The following SHISA9 variants were observed in gnomAD, a reference collection of about 807,000 sequenced individuals.
The protein encoded by SHISA9 is shisa family member 9.
Under a neutral mutation model 38.0 loss-of-function variants are expected in SHISA9, and 13 were observed. The ratio of observed to expected loss-of-function variants is 0.34; its 90% confidence interval spans 0.22 to 0.54. The LOEUF is 0.54. Ranked by LOEUF, SHISA9 falls within the 20% of genes least tolerant of loss-of-function variation. The probability of loss-of-function intolerance (pLI) is 0.91; values close to 1 mark genes in which losing one functional copy is unlikely to be tolerated. For missense variants in SHISA9, 538 were observed against 575.8 expected (o/e 0.93, Z 0.67); for synonymous variants, 275 against 242.0 (o/e 1.14, Z -1.27).
At chr16:12,939,781 A>T (rs2071584913) in intron 2 of SHISA9, among the ~76,000 whole-genome samples, 1 of 152,192 alleles carries the variant, frequency 6.6e-6, no homozygotes, top group Non-Finnish European at 1.5e-5. Flanking sequence ...TCTGGCATAT[A>T]CCTGCTGTAG....
the SHISA9 span, among the ~76,000 whole-genome samples, chr16:13,448,881 A>G: frequency 1.3e-5 from 2 of 152,168 alleles, no homozygotes; most frequent in Non-Finnish European, 1.5e-5. Context: ...GTGTAAATCT[A>G]TATATTTTGG....
downstream of SHISA9, among the ~76,000 whole-genome samples, chr16:13,242,207 T>G (rs2051440316): frequency 6.6e-6 from 1 of 152,230 alleles, no homozygotes; most frequent in Admixed American, 6.5e-5. Flanking sequence ...GGATTTGAAC[T>G]CCAGAGCTCA....
the SHISA9 span, among the ~76,000 whole-genome samples, chr16:13,359,439 T>G: frequency 1.3e-5 from 2 of 152,212 alleles, no homozygotes; most frequent in South Asian, 4.1e-4. Flanking sequence ...GCAGAGATCA[T>G]GCCATGGCAT....
intron 1 of SHISA9, among the ~76,000 whole-genome samples, chr16:12,906,988 G>A (rs1567334136): frequency 6.6e-6 from 1 of 151,528 alleles, no homozygotes; most frequent in East Asian, 1.9e-4. Context: ...TTGCTTTATT[G>A]CTCACACACT....
the SHISA9 span, among the ~76,000 whole-genome samples, chr16:13,262,330 A>T: frequency 1.3e-5 from 2 of 152,248 alleles, no homozygotes; most frequent in African/African-American, 4.8e-5. Flanking sequence ...AACATCCTTA[A>T]CACTCTAAAT....
At chr16:13,253,386 G>A in the SHISA9 span, among the ~76,000 whole-genome samples, 1 of 152,140 alleles carries the variant, frequency 6.6e-6, no homozygotes, top group East Asian at 1.9e-4. Flanking sequence ...AAGGTACAAG[G>A]GAGATGGCAG....
intron 2 of SHISA9, among the ~76,000 whole-genome samples, chr16:12,941,619 G>A (rs1377034422): frequency 6.6e-6 from 1 of 152,140 alleles, no homozygotes; most frequent in Non-Finnish European, 1.5e-5. Flanking sequence ...AGCACTCTGG[G>A]AGGCTGAGGC....
At chr16:13,328,023 C>A in the SHISA9 span, among the ~76,000 whole-genome samples, 1 of 152,178 alleles carries the variant, frequency 6.6e-6, no homozygotes, top group Non-Finnish European at 1.5e-5. Flanking sequence ...ACATCATGCG[C>A]ATTTATTAGC....
intron 2 of SHISA9, among the ~76,000 whole-genome samples, chr16:13,126,042 G>C (rs1157962290): frequency 6.6e-6 from 1 of 152,186 alleles, no homozygotes; most frequent in Non-Finnish European, 1.5e-5. Context: ...CAGGAGGTGA[G>C]AAGGAGGTGA....
At chr16:13,077,933 T>C (rs930231548) in intron 2 of SHISA9, among the ~76,000 whole-genome samples, 22 of 151,914 alleles carry the variant, frequency 1.4e-4, no homozygotes, top group Admixed American at 1.0e-3. Context: ...TATACTATAA[T>C]GATGAAAAAA....
the SHISA9 span, among the ~76,000 whole-genome samples, chr16:13,400,314 C>T: frequency 6.6e-6 from 1 of 151,940 alleles, no homozygotes; most frequent in African/African-American, 2.4e-5. Flanking sequence ...CTTGATAGCA[C>T]CCTGCTAATT....
chr16:13,045,484 T>G (rs796315301), intron 2 of SHISA9, among the ~76,000 whole-genome samples: 2 of 152,264 alleles, frequency 1.3e-5, no homozygotes, highest in African/African-American at 4.8e-5. Context: ...AATGCAAGAT[T>G]ATTCACTCAA....
chr16:13,173,551 G>C (rs2050706698), intron 2 of SHISA9, among the ~76,000 whole-genome samples: 1 of 152,136 alleles, frequency 6.6e-6, no homozygotes, highest in Non-Finnish European at 1.5e-5. Context: ...TTAACTGGGG[G>C]CAATTTTGCT....
chr16:13,460,918 T>C, the SHISA9 span, among the ~76,000 whole-genome samples: 2 of 152,196 alleles, frequency 1.3e-5, no homozygotes, highest in South Asian at 2.1e-4. Context: ...AGCCGCTCAG[T>C]ATGGCATGAG....
At chr16:13,509,290 T>A in the SHISA9 span, among the ~76,000 whole-genome samples, 15 of 150,628 alleles carry the variant, frequency 1.0e-4, no homozygotes, top group African/African-American at 1.5e-4. Flanking sequence ...AAAGAAAAAA[T>A]TAGTTAAAAA....
chr16:13,047,566 G>A (rs1239058010), intron 2 of SHISA9, among the ~76,000 whole-genome samples: 1 of 152,150 alleles, frequency 6.6e-6, no homozygotes, highest in African/African-American at 2.4e-5. Flanking sequence ...TTTGATGGTT[G>A]CTTTCGGGAG....
the SHISA9 span, among the ~76,000 whole-genome samples, chr16:13,313,263 A>AAAAAACC: frequency 1.9e-4 from 8 of 42,720 alleles, no homozygotes; most frequent in African/African-American, 5.9e-4. Flanking sequence ...TCAAAAAAAA[A>AAAAAACC]AAAAAAAAAC....
chr16:13,069,241 GTA>G (rs1308040809), intron 2 of SHISA9, among the ~76,000 whole-genome samples: 2 of 152,064 alleles, frequency 1.3e-5, no homozygotes, highest in Non-Finnish European at 2.9e-5. Flanking sequence ...GTATATATGT[GTA>G]TGTGTATATG....
chr16:13,561,235 T>G, the SHISA9 span, among the ~76,000 whole-genome samples: 1 of 152,140 alleles, frequency 6.6e-6, no homozygotes, highest in Non-Finnish European at 1.5e-5. Context: ...CCTTTGGCAG[T>G]TATTAGTCCC....
Sources: gnomAD v4.1 joint callset for allele counts (sites outside exome capture counted in the v4.1 genomes callset) on GRCh38, gnomAD v4.1.1 for gene constraint, MANE v1.5 for transcripts, NCBI Gene and HGNC (gene_info 2026-07-23, HGNC 2026-07-21) for gene names.